CTSC: variants seen among roughly 807,000 people sequenced by gnomAD.
CTSC encodes the protein dipeptidyl peptidase 1.
A neutral mutation model predicts 40.9 loss-of-function variants in CTSC; 37 were observed. That is an observed-to-expected ratio of 0.91 (90% CI 0.70 to 1.19). CTSC has a LOEUF of 1.19. CTSC is among the 50% of genes most tolerant of loss of function. The pLI, the probability that CTSC is intolerant of heterozygous loss-of-function variation, is 0.00. For synonymous variants in CTSC, 232 were observed against 207.4 expected (o/e 1.12, Z -1.02); for missense variants, 594 against 567.3 (o/e 1.05, Z -0.48).
chr11:88,329,558 G>A (rs1377550315), intron 2 of CTSC, among the ~76,000 whole-genome samples: 2 of 151,648 alleles, frequency 1.3e-5, no homozygotes, highest in African/African-American at 2.4e-5. Context: ...CAATTTGGTG[G>A]AGAGAATGCT....
chr11:88,294,064 G>T lies in CTSC; in HGVS notation c.1334C>A (p.Thr445Asn). The change falls in exon 7 of 7, where the codon ACT (threonine) becomes AAT (asparagine). Residue 445 changes from threonine (T) to asparagine (N), a missense_variant. Coordinates refer to ENST00000227266, the MANE Select transcript of CTSC (RefSeq NM_001814.6). Reference sequence around the variant, plus strand: ...TATGCTCTCAATTGCACACTCATCAGTTCCTCTGCGGATCCGGAAGTAGCC... The same window carrying T: ...TATGCTCTCAATTGCACACTCATCATTTCCTCTGCGGATCCGGAAGTAGCC... ...ENGYFRIRRGTDECAIESIAV... is the reference protein window; with the variant it reads ...ENGYFRIRRGNDECAIESIAV... The T allele has an allele frequency of 6.2e-7, 1 of 1,614,046 alleles. No individual in the cohort carries two copies. Among genetic ancestry groups the T allele is most frequent in the Non-Finnish European group, 8.5e-7 (1 of 1,179,998 alleles).
chr11:88,334,860 C>G, intron 2 of CTSC, 77 bp downstream of exon 2: 2 of 1,061,580 alleles, frequency 1.9e-6, no homozygotes, highest in Non-Finnish European at 2.9e-6. Flanking sequence ...AATTAAAATT[C>G]TGAGGGTCTA....
chr11:88,313,629 T>G (rs905614948), intron 2 of CTSC, among the ~76,000 whole-genome samples: 4 of 152,210 alleles, frequency 2.6e-5, no homozygotes, highest in Admixed American at 2.6e-4. Flanking sequence ...AGGATGACTG[T>G]GTAGCATGTG....
Position 88,335,013 on chromosome 11 carries a change from G to T in CTSC, c.242C>A (p.Ser81Tyr), listed in dbSNP as rs961105562. ...GTTGTAAATGATGGTGAAATGGCCA[G>T]AATTGCCAAGGTCATCATATGCTGT... ...LDTAYDDLGNSGHFTIIYNQG... is the reference protein window; with the variant it reads ...LDTAYDDLGNYGHFTIIYNQG... The change falls in exon 2 of 7, where the codon TCT becomes TAT. Residue 81 changes from serine (S) to tyrosine (Y), a missense_variant. By Grantham distance (144) the Ser-to-Tyr change is moderately radical (BLOSUM62 -2). Coordinates refer to ENST00000227266, the MANE Select transcript of CTSC (RefSeq NM_001814.6). 2.5e-6 allele frequency: 4 copies of T among 1,606,312 alleles called. No homozygotes were observed. The African/African-American group carries it at 4.0e-5, about 16-fold the overall frequency.
intron 4 of CTSC, 76 bp downstream of exon 4, chr11:88,309,087 T>C (rs1232705966): frequency 7.4e-7 from 1 of 1,342,980 alleles, no homozygotes; most frequent in African/African-American, 1.4e-5. Flanking sequence ...CGAGCAACAC[T>C]GGTAGGACTG....
intron 2 of CTSC, among the ~76,000 whole-genome samples, chr11:88,317,741 T>C (rs904668244): frequency 1.3e-5 from 2 of 152,250 alleles, no homozygotes; most frequent in African/African-American, 4.8e-5. Context: ...AAAAAATTTT[T>C]CTGAGTTTTC....
chr11:88,305,299 T>C (rs1164018891), intron 4 of CTSC, among the ~76,000 whole-genome samples: 1 of 152,170 alleles, frequency 6.6e-6, no homozygotes, highest in African/African-American at 2.4e-5. Context: ...TGCTTTCACT[T>C]TGCATTGAGG....
At chr11:88,318,780 C>A (rs1282404775) in intron 2 of CTSC, among the ~76,000 whole-genome samples, 2 of 152,140 alleles carry the variant, frequency 1.3e-5, no homozygotes, top group Non-Finnish European at 2.9e-5. Context: ...GTGGCACACG[C>A]CTGTAATCCC....
chr11:88,326,334 G>A, intron 2 of CTSC: 1 of 1,613,788 alleles, frequency 6.2e-7, no homozygotes, highest in Non-Finnish European at 8.5e-7. Flanking sequence ...GCCTTTGCTA[G>A]CTGCTACAGG....
chr11:88,335,098 A>AG lies in CTSC; in HGVS notation c.173-17_173-16insC. On this transcript the variant is annotated splice_polypyrimidine_tract_variant and intron_variant, in intron 1 of 6. Transcript: ENST00000227266. ...TCTTGTGGTCCTAAAGAAAAAAAAA[A>AG]AAAGCACAATAAAGGAAAATTATTT... 1 of 1,563,200 alleles carries AG rather than the reference A, an allele frequency of 6.4e-7. No homozygotes were observed. The highest frequency in any genetic ancestry group is 8.8e-7 in the Non-Finnish European group (1 of 1,140,288).
At chr11:88,297,787 A>G (rs1944314784) in intron 5 of CTSC, 2 of 152,210 alleles carry the variant, frequency 1.3e-5, no homozygotes, top group African/African-American at 4.8e-5. Context: ...GCCAAGGCCA[A>G]TCTGATTCTA....
chr11:88,324,782 G>C (rs1014781568), intron 2 of CTSC: 1 of 985,228 alleles, frequency 1.0e-6, no homozygotes, highest in African/African-American at 1.7e-5. Context: ...GGGTTTCAGA[G>C]AGCAGCGTCA....
At chr11:88,305,772 A>G (rs962334571) in intron 4 of CTSC, among the ~76,000 whole-genome samples, 1 of 152,216 alleles carries the variant, frequency 6.6e-6, no homozygotes, top group African/African-American at 2.4e-5. Flanking sequence ...AGTCATGAAA[A>G]CAGTCCTTCA....
At chr11:88,335,381 G>A (rs972339521) in intron 1 of CTSC, among the ~76,000 whole-genome samples, 5 of 152,170 alleles carry the variant, frequency 3.3e-5, no homozygotes, top group African/African-American at 1.2e-4. Flanking sequence ...ACTAGTTTGG[G>A]CAACATAGTG....
At position 88,302,062 on chromosome 11, in the gene CTSC, T is replaced by G. The variant is rs182734972; in HGVS notation, c.642-1417A>C. 3.2e-3 allele frequency among the ~76,000 whole-genome samples: 492 copies of G among 152,256 alleles called. 12 individuals carry two copies. The highest frequency in any genetic ancestry group is 4.9e-4 in the Non-Finnish European group (33 of 68,020). ...CCCCAGCGAAAACTCACTTCCTCTCTCTCTCTGCTCCTTCAAATTTGTTTT... is the reference window on the plus strand; with the variant it reads ...CCCCAGCGAAAACTCACTTCCTCTCGCTCTCTGCTCCTTCAAATTTGTTTT... On this transcript the variant is annotated intron_variant, in intron 4 of 6. Transcript: ENST00000227266.
intron 5 of CTSC, 132 bp from the exon 6 acceptor site, chr11:88,296,396 A>T: frequency 8.9e-7 from 1 of 1,118,402 alleles, no homozygotes; most frequent in African/African-American, 1.5e-5. Context: ...CAGCACAATA[A>T]GAAGACTCAA....
chr11:88,325,744 G>C lies in CTSC; in HGVS notation c.318+9193C>G, dbSNP rs927088430. 1.4e-5 allele frequency: 14 copies of C among 985,280 alleles called. No homozygotes were observed. In the Admixed American group the frequency reaches 7.4e-4, roughly 52 times the overall value. The allele number at this position is 985,280 out of a possible 1,614,324, so 61.0% of individuals were successfully genotyped here. On this transcript the variant is annotated intron_variant, in intron 2 of 6. Coordinates refer to ENST00000227266, the MANE Select transcript of CTSC (RefSeq NM_001814.6). The stretch of plus-strand genomic sequence containing the variant: ...GTTTACGATACCATCTTTCTGGCCA[G>C]AGGTACTGGAGGTCTATAATCTGTA...
chr11:88,312,357 C>G, intron 3 of CTSC, 31 bp downstream of exon 3: 2 of 1,609,688 alleles, frequency 1.2e-6, no homozygotes, highest in Non-Finnish European at 1.7e-6. Flanking sequence ...TAAAACAAAA[C>G]TAAACGTATG....
chr11:88,335,346 G>A (rs1199004980), intron 1 of CTSC, among the ~76,000 whole-genome samples: 3 of 152,058 alleles, frequency 2.0e-5, no homozygotes, highest in Non-Finnish European at 4.4e-5. Flanking sequence ...CTAGCACTTT[G>A]CGGGGCTGAG....
Sources: allele counts gnomAD v4.1 joint callset (sites outside exome capture counted in the v4.1 genomes callset), GRCh38; gene constraint gnomAD v4.1.1; transcripts MANE v1.5; gene names NCBI Gene and HGNC (gene_info 2026-07-23, HGNC 2026-07-21).